Variants in PSMD11 observed in about 807,000 individuals in gnomAD.
PSMD11 encodes 26S proteasome non-ATPase regulatory subunit 11.
A neutral mutation model predicts 62.3 loss-of-function variants in PSMD11; 5 were observed. The ratio of observed to expected loss-of-function variants is 0.08; its 90% CI spans 0.04 to 0.17. The LOEUF is 0.17. PSMD11 is among the 10% of genes least tolerant of loss of function. PSMD11 has a pLI of 1.00. For synonymous variants in PSMD11, 191 were observed against 191.8 expected, an observed-to-expected ratio of 1.00 and a Z score of 0.03; for missense variants, 310 against 512.9, an observed-to-expected ratio of 0.60 and a Z score of 3.82.
intron 3 of PSMD11, among the ~76,000 whole-genome samples, chr17:32,456,767 G>C (rs768657120): frequency 2.6e-5 from 4 of 152,188 alleles, no homozygotes; most frequent in Non-Finnish European, 5.9e-5. Flanking sequence ...TCCTGACCTC[G>C]TGATCTGCCT....
chr17:32,477,298 C>G (rs1260081695), intron 8 of PSMD11: 3 of 401,186 alleles, frequency 7.5e-6, no homozygotes, highest in African/African-American at 6.2e-5. Flanking sequence ...TTTCTGTTTC[C>G]TAGTATTATT....
At chr17:32,462,948 A>C (rs907874396) in intron 3 of PSMD11, among the ~76,000 whole-genome samples, 14 of 152,214 alleles carry the variant, frequency 9.2e-5, no homozygotes, top group Admixed American at 7.2e-4. Context: ...TTGGCCTCCC[A>C]GATTGCTGGG....
chr17:32,465,990 A>G (rs1597837641), intron 5 of PSMD11, among the ~76,000 whole-genome samples: 1 of 151,830 alleles, frequency 6.6e-6, no homozygotes, highest in African/African-American at 2.4e-5. Context: ...AAAGAAAAAA[A>G]TTTCAGAACT....
chr17:32,478,182 G>C (rs1908385768), intron 9 of PSMD11, among the ~76,000 whole-genome samples: 1 of 152,196 alleles, frequency 6.6e-6, no homozygotes, highest in African/African-American at 2.4e-5. Flanking sequence ...GAATTATATA[G>C]TCTTTCCTGA....
In PSMD11 at chr17:32,444,778, C is replaced by T. The variant is rs768115818; in HGVS notation, c.91+164C>T. 1.6e-5 allele frequency: 12 copies of T among 760,050 alleles called. No individual in the cohort carries two copies. In the Admixed American group the frequency reaches 2.2e-4, roughly 14 times the overall value. The allele number at this position is 760,050 out of a possible 1,614,324, so 47.1% of individuals were successfully genotyped here. On this transcript the variant is annotated intron_variant, in intron 1 of 13. Coordinates refer to ENST00000261712, the MANE Select transcript of PSMD11 (RefSeq NM_002815.4). The stretch of plus-strand genomic sequence containing the variant: ...GGCCGCTCGGAGCTCCCCAGAGCCT[C>T]CCAGGTCTCACTCTTGTGGGAGGGC...
Position 32,454,669 on chromosome 17 carries a change from T to G in PSMD11, c.318+50T>G, listed in dbSNP as rs376860597. The G allele has an allele frequency of 9.1e-5, 145 of 1,594,236 alleles. No homozygotes were observed. The African/African-American group carries it at 1.8e-3, about 20-fold the overall frequency. ...TAGACAATATGGAGAAAAGTTTGTT[T>G]CCAAGAAAGAAATGCCTACCTGCAC... On this transcript the variant is annotated intron_variant, in intron 3 of 13. Transcript: ENST00000261712.
chr17:32,449,196 G>A (rs1907419349), intron 2 of PSMD11, among the ~76,000 whole-genome samples: 1 of 152,150 alleles, frequency 6.6e-6, no homozygotes, highest in African/African-American at 2.4e-5. Flanking sequence ...CTTGAGCCCA[G>A]GAATTTGAGA....
chr17:32,463,954 TATGTA>T, intron 3 of PSMD11, 90 bp from the exon 4 acceptor site: 1 of 1,102,090 alleles, frequency 9.1e-7, no homozygotes, highest in Non-Finnish European at 1.4e-6. Flanking sequence ...ACATGGATAA[TATGTA>T]AGGAGGGAAT....
At chr17:32,444,708 G>A in intron 1 of PSMD11, 94 bp downstream of exon 1, 3 of 1,486,264 alleles carry the variant, frequency 2.0e-6, no homozygotes, top group Non-Finnish European at 1.8e-6. Context: ...AGCCGGCTCT[G>A]ATGCTGCTGA....
chr17:32,464,414 C>T (rs1039931694), intron 4 of PSMD11, 107 bp from the exon 5 acceptor site: 2 of 901,414 alleles, frequency 2.2e-6, no homozygotes, highest in East Asian at 2.5e-5. Context: ...TTGATGCTAT[C>T]ATCAGAAATT....
intron 7 of PSMD11, among the ~76,000 whole-genome samples, chr17:32,474,251 G>A (rs920331733): frequency 2.0e-5 from 3 of 152,182 alleles, no homozygotes; most frequent in Non-Finnish European, 4.4e-5. Flanking sequence ...TCAGGAAATA[G>A]CTTACAGATC....
chr17:32,469,873 C>G (rs1038223373), intron 6 of PSMD11, among the ~76,000 whole-genome samples: 3 of 152,054 alleles, frequency 2.0e-5, no homozygotes, highest in Admixed American at 1.3e-4. Flanking sequence ...ACATTTTGTT[C>G]TGCTGCTTTC....
At chr17:32,454,201 G>C (rs2150830361) in intron 2 of PSMD11, among the ~76,000 whole-genome samples, 1 of 152,322 alleles carries the variant, frequency 6.6e-6, no homozygotes, top group East Asian at 1.9e-4. Flanking sequence ...TGAATACTTT[G>C]CTGTTTATCT....
rs144041867 is a variant in PSMD11, at chr17:32,464,819, G to A, written c.448+241G>A. On this transcript the variant is annotated intron_variant, in intron 5 of 13. Coordinates refer to ENST00000261712, the MANE Select transcript of PSMD11 (RefSeq NM_002815.4). ...GGTAGTTTTAAGTTTACTTGAATTTGGAGCAGTAAAATCAATTCCATTTTA... is the reference window on the plus strand; with the variant it reads ...GGTAGTTTTAAGTTTACTTGAATTTAGAGCAGTAAAATCAATTCCATTTTA... Among the ~76,000 whole-genome samples, 865 of 152,194 alleles carry A rather than the reference G, an allele frequency of 5.7e-3. 9 individuals carry two copies. Among genetic ancestry groups the A allele is most frequent in the African/African-American group, 0.019 (776 of 41,530 alleles).
chr17:32,464,450 G>C (rs1397559524), intron 4 of PSMD11, 71 bp from the exon 5 acceptor site: 1 of 1,243,250 alleles, frequency 8.0e-7, no homozygotes, highest in African/African-American at 1.5e-5. Flanking sequence ...ACAGTTCTGT[G>C]ACTGTCAATC....
chr17:32,477,382 G>T, intron 8 of PSMD11, 139 bp from the exon 9 acceptor site: 1 of 599,018 alleles, frequency 1.7e-6, no homozygotes, highest in South Asian at 3.1e-5. Flanking sequence ...TTCTTCCCGG[G>T]CGTCTGAAGA....
intron 2 of PSMD11, among the ~76,000 whole-genome samples, chr17:32,449,331 G>C (rs979048181): frequency 1.3e-5 from 2 of 152,156 alleles, no homozygotes; most frequent in African/African-American, 4.8e-5. Context: ...CTTGAGCCGA[G>C]GAGGTTGAGG....
At position 32,477,586 on chromosome 17, in the gene PSMD11, G is replaced by A. The variant is rs766697086; in HGVS notation, c.912+3G>A. The stretch of plus-strand genomic sequence containing the variant: ...GATCACTGGCAGATTTTGAAAAGGT[G>A]AGTATGATATTGGGTTGGTATGGAA... On this transcript the variant is annotated splice_donor_region_variant and intron_variant, in intron 9 of 13. Coordinates refer to ENST00000261712, the MANE Select transcript of PSMD11 (RefSeq NM_002815.4). 6 of 1,607,100 alleles carry A rather than the reference G, an allele frequency of 3.7e-6. No individual in the cohort carries two copies. Among genetic ancestry groups the A allele is most frequent in the Non-Finnish European group, 5.1e-6 (6 of 1,174,284 alleles).
intron 3 of PSMD11, among the ~76,000 whole-genome samples, chr17:32,457,103 A>C (rs984470321): frequency 6.6e-6 from 1 of 152,242 alleles, no homozygotes; most frequent in Non-Finnish European, 1.5e-5. Flanking sequence ...AACTGTGGTT[A>C]TATGTTGTCA....
Sources: gnomAD v4.1 joint callset for allele counts (sites outside exome capture counted in the v4.1 genomes callset) on GRCh38, gnomAD v4.1.1 for gene constraint, MANE v1.5 for transcripts, NCBI Gene and HGNC (gene_info 2026-07-23, HGNC 2026-07-21) for gene names.